CCDC7: variants seen among roughly 807,000 people sequenced by gnomAD.
CCDC7 encodes the protein coiled-coil domain-containing protein 7.
Under a neutral mutation model 196.9 loss-of-function variants are expected in CCDC7, and 183 were observed. The ratio of observed to expected loss-of-function variants is 0.93; its 90% CI spans 0.82 to 1.05. The LOEUF (loss-of-function observed/expected upper bound fraction) is 1.05, where lower values mean the gene tolerates loss of function less well. CCDC7 is among the 50% of genes least tolerant of loss of function. The probability of loss-of-function intolerance (pLI) is 0.00; values close to 1 mark genes in which losing one functional copy is unlikely to be tolerated. For missense variants in CCDC7, 1,540 were observed against 1,482.2 expected (o/e 1.04, Z -0.64); for synonymous variants, 525 against 484.6 (o/e 1.08, Z -1.10).
intron 18 of CCDC7, among the ~76,000 whole-genome samples, chr10:32,630,524 G>A (rs989559081): frequency 1.3e-5 from 2 of 151,880 alleles, no homozygotes; most frequent in African/African-American, 4.8e-5. Flanking sequence ...GATAGATAAA[G>A]CAAATATTAG....
intron 20 of CCDC7, among the ~76,000 whole-genome samples, chr10:32,647,783 T>G (rs7090147): frequency 5.5e-4 from 84 of 152,334 alleles, no homozygotes; most frequent in African/African-American, 2.0e-3. Flanking sequence ...AGATTGTCTG[T>G]TTGCTCTGTT....
At chr10:32,675,469 A>G (rs2074782691) in intron 21 of CCDC7, among the ~76,000 whole-genome samples, 1 of 152,182 alleles carries the variant, frequency 6.6e-6, no homozygotes, top group South Asian at 2.1e-4. Context: ...TTCTGTATCC[A>G]TTAACCAATT....
intron 28 of CCDC7, among the ~76,000 whole-genome samples, chr10:32,739,898 A>T (rs1204608311): frequency 4.0e-5 from 6 of 149,480 alleles, no homozygotes; most frequent in Non-Finnish European, 7.4e-5. Context: ...TTCCTTTTAG[A>T]TAGGGTCTGA....
chr10:32,549,048 T>C (rs1027745208), intron 13 of CCDC7, among the ~76,000 whole-genome samples: 2 of 152,178 alleles, frequency 1.3e-5, no homozygotes, highest in African/African-American at 4.8e-5. Flanking sequence ...AAGTGTTCTC[T>C]GATCACCGCA....
At chr10:32,499,137 G>A (rs1204159012) in intron 9 of CCDC7, 4 of 138,740 alleles carry the variant, frequency 2.9e-5, no homozygotes, top group African/African-American at 1.1e-4. Flanking sequence ...AATGAACTCA[G>A]AAAAAATGAA....
At chr10:32,663,018 A>G (rs909825102) in intron 20 of CCDC7, among the ~76,000 whole-genome samples, 1 of 152,170 alleles carries the variant, frequency 6.6e-6, no homozygotes, top group Non-Finnish European at 1.5e-5. Context: ...AATAGCAGCC[A>G]GCTAAGAAAA....
intron 41 of CCDC7, among the ~76,000 whole-genome samples, chr10:32,870,967 C>G (rs1309357500): frequency 6.6e-6 from 1 of 152,098 alleles, no homozygotes; most frequent in Non-Finnish European, 1.5e-5. Context: ...GGTGGATAAG[C>G]TTTTTGATGT....
intron 24 of CCDC7, among the ~76,000 whole-genome samples, chr10:32,704,970 C>T (rs999121324): frequency 3.3e-5 from 5 of 152,138 alleles, no homozygotes; most frequent in African/African-American, 9.6e-5. Context: ...CCGGGTGAGG[C>T]GATGCCTCGC....
chr10:32,549,538 T>C (rs1049074243), intron 13 of CCDC7, among the ~76,000 whole-genome samples: 4 of 152,216 alleles, frequency 2.6e-5, no homozygotes, highest in African/African-American at 9.6e-5. Context: ...AGAATTTTTA[T>C]AGTTTTATGT....
chr10:32,795,886 C>T (rs773517458), intron 29 of CCDC7, among the ~76,000 whole-genome samples: 25 of 152,036 alleles, frequency 1.6e-4, no homozygotes, highest in Non-Finnish European at 3.5e-4. Context: ...GCCCAGAGGA[C>T]CTGTGGAATA....
intron 29 of CCDC7, among the ~76,000 whole-genome samples, chr10:32,791,462 A>C (rs2082689738): frequency 7.1e-6 from 1 of 140,338 alleles, no homozygotes; most frequent in Non-Finnish European, 1.6e-5. Context: ...ATACAAATAG[A>C]CAGTTCACTG....
chr10:32,765,213 A>G (rs767176616), intron 28 of CCDC7, among the ~76,000 whole-genome samples: 1 of 152,008 alleles, frequency 6.6e-6, no homozygotes, highest in Non-Finnish European at 1.5e-5. Flanking sequence ...CCTTCCTCAA[A>G]GGGACCTATG....
At chr10:32,728,889 C>T (rs147346091) in exon 27 of CCDC7, 496 of 1,563,612 alleles carry the variant, frequency 3.2e-4, no homozygotes, top group Non-Finnish European at 4.2e-4. Context: ...TGATATAGCT[C>T]GTATTGTAGT....
chr10:32,681,735 G>GTA (rs1433633424), intron 21 of CCDC7, among the ~76,000 whole-genome samples: 1 of 81,214 alleles, frequency 1.2e-5, no homozygotes, highest in Non-Finnish European at 2.1e-5. Flanking sequence ...GTATTTATAT[G>GTA]TATACACACA....
chr10:32,571,023 T>A (rs1406288187), intron 15 of CCDC7, among the ~76,000 whole-genome samples: 2 of 150,504 alleles, frequency 1.3e-5, no homozygotes, highest in Non-Finnish European at 3.0e-5. Context: ...TTTTTTTTTT[T>A]GAGAGAGAGT....
chr10:32,675,610 A>C (rs1298979094), intron 21 of CCDC7: 1 of 152,370 alleles, frequency 6.6e-6, no homozygotes, highest in Non-Finnish European at 1.5e-5. Flanking sequence ...AGTGATATTT[A>C]TACTTTCATA....
chr10:32,633,696 ATGTG>A (rs1554928040), intron 18 of CCDC7, among the ~76,000 whole-genome samples: 3,917 of 135,118 alleles, frequency 0.029, 197 homozygotes, highest in African/African-American at 0.096. Flanking sequence ...ATATATATAT[ATGTG>A]TGTGTGTGTG....
chr10:32,594,920 A>T (rs1337283985), intron 18 of CCDC7, among the ~76,000 whole-genome samples: 1 of 152,156 alleles, frequency 6.6e-6, no homozygotes, highest in East Asian at 1.9e-4. Flanking sequence ...GTGGTGGATA[A>T]GCTTTTTGAT....
At chr10:32,644,837 C>A (rs952916925) in intron 20 of CCDC7, among the ~76,000 whole-genome samples, 1 of 152,202 alleles carries the variant, frequency 6.6e-6, no homozygotes, top group Non-Finnish European at 1.5e-5. Context: ...TCCATTAAAC[C>A]TCTTTCTTTT....
Sources: gnomAD v4.1 joint callset for allele counts (sites outside exome capture counted in the v4.1 genomes callset) on GRCh38, gnomAD v4.1.1 for gene constraint, MANE v1.5 for transcripts, NCBI Gene and HGNC (gene_info 2026-07-23, HGNC 2026-07-21) for gene names.